Variants in UNC5C observed in about 807,000 individuals in gnomAD.
UNC5C encodes the protein netrin receptor UNC5C.
UNC5C carries 47 observed loss-of-function variants against 99.8 expected under a neutral mutation model. That is an observed-to-expected ratio of 0.47 (90% CI 0.37 to 0.60). UNC5C has a LOEUF of 0.60. Ranked by LOEUF, UNC5C falls within the 20% of genes least tolerant of loss-of-function variation. UNC5C has a pLI of 0.00. For missense variants in UNC5C, 1,062 were observed against 1,165.9 expected (o/e 0.91, Z 1.30); for synonymous variants, 487 against 452.2 (o/e 1.08, Z -0.98).
intron 1 of UNC5C, among the ~76,000 whole-genome samples, chr4:95,361,333 C>A (rs1480004753): frequency 1.3e-5 from 2 of 152,152 alleles, no homozygotes; most frequent in African/African-American, 4.8e-5. Flanking sequence ...GATTTCAGGG[C>A]AGTCCCTTTA....
chr4:95,431,427 A>G (rs1746632166), intron 1 of UNC5C, among the ~76,000 whole-genome samples: 1 of 152,096 alleles, frequency 6.6e-6, no homozygotes. Flanking sequence ...GCTAATACCT[A>G]TGTATTCTAA....
At chr4:95,334,366 TC>T (rs1560791345) in intron 2 of UNC5C, among the ~76,000 whole-genome samples, 6 of 152,008 alleles carry the variant, frequency 3.9e-5, no homozygotes, top group Admixed American at 3.3e-4. Flanking sequence ...CAGAGAGATA[TC>T]TAGTAAGGGT....
At chr4:95,366,575 T>C (rs948971810) in intron 1 of UNC5C, among the ~76,000 whole-genome samples, 1 of 152,170 alleles carries the variant, frequency 6.6e-6, no homozygotes, top group African/African-American at 2.4e-5. Context: ...ACTAACCTAG[T>C]CATGAAGTTG....
chr4:95,237,098 A>T (rs1199917878), intron 7 of UNC5C, among the ~76,000 whole-genome samples: 2 of 152,238 alleles, frequency 1.3e-5, no homozygotes, highest in Non-Finnish European at 2.9e-5. Flanking sequence ...AATGTTAAAT[A>T]AATTGTTATA....
chr4:95,195,447 A>C (rs1737341191), intron 12 of UNC5C, among the ~76,000 whole-genome samples: 1 of 152,224 alleles, frequency 6.6e-6, no homozygotes, highest in Non-Finnish European at 1.5e-5. Context: ...GGATCCTGAA[A>C]GTATACAGGT....
chr4:95,354,479 A>ATATATATATATATATATATATT, intron 1 of UNC5C, among the ~76,000 whole-genome samples: 156 of 110,306 alleles, frequency 1.4e-3, no homozygotes, highest in South Asian at 2.6e-3. Context: ...ATATATATAT[A>ATATATATATATATATATATATT]TTTTTTTTTT....
In UNC5C at chr4:95,443,463, G is replaced by C. The variant is rs73838833; in HGVS notation, c.124+105271C>G. On this transcript the variant is annotated intron_variant, in intron 1 of 15. Transcript: ENST00000453304. ...TTTCAAAAGATTTCTTCAAATGACT[G>C]AGGGTCTCTGTTACTCTAAATGCAC... Among the ~76,000 whole-genome samples, 189 of 152,274 alleles carry C rather than the reference G, an allele frequency of 1.2e-3. 1 individual carries two copies. Among genetic ancestry groups the C allele is most frequent in the African/African-American group, 4.3e-3 (178 of 41,548 alleles).
At chr4:95,530,546 A>T (rs1055802647) in intron 1 of UNC5C, among the ~76,000 whole-genome samples, 2 of 152,220 alleles carry the variant, frequency 1.3e-5, no homozygotes, top group African/African-American at 4.8e-5. Context: ...GCCTCATACA[A>T]CAGAATTTCC....
At chr4:95,384,257 CAG>C (rs1251018357) in intron 1 of UNC5C, among the ~76,000 whole-genome samples, 1 of 152,098 alleles carries the variant, frequency 6.6e-6, no homozygotes, top group Non-Finnish European at 1.5e-5. Context: ...GTCTTGGAAA[CAG>C]AATGCTTATG....
At chr4:95,243,517 T>G (rs760000601) in intron 6 of UNC5C, among the ~76,000 whole-genome samples, 3 of 152,150 alleles carry the variant, frequency 2.0e-5, no homozygotes, top group African/African-American at 7.2e-5. Context: ...AATATATAAT[T>G]ATGATGATCA....
At chr4:95,247,479 G>A (rs1251585075) in intron 5 of UNC5C, among the ~76,000 whole-genome samples, 2 of 152,114 alleles carry the variant, frequency 1.3e-5, no homozygotes, top group East Asian at 1.9e-4. Flanking sequence ...TGGGGTTTAG[G>A]ATATATGTAC....
intron 3 of UNC5C, among the ~76,000 whole-genome samples, chr4:95,299,775 A>C (rs1048224152): frequency 6.6e-6 from 1 of 152,198 alleles, no homozygotes; most frequent in African/African-American, 2.4e-5. Context: ...AGCATAGGGA[A>C]AATCCACCCC....
At chr4:95,433,373 A>G (rs531098355) in intron 1 of UNC5C, among the ~76,000 whole-genome samples, 1 of 152,198 alleles carries the variant, frequency 6.6e-6, no homozygotes, top group East Asian at 1.9e-4. Flanking sequence ...GGGTTTTGGG[A>G]TTTTGTATGA....
chr4:95,340,384 C>G (rs1228783162), intron 1 of UNC5C, among the ~76,000 whole-genome samples: 1 of 152,036 alleles, frequency 6.6e-6, no homozygotes, highest in East Asian at 1.9e-4. Flanking sequence ...AAATGAATGA[C>G]TGCAAAGCTA....
At chr4:95,523,722 G>A (rs1722423528) in intron 1 of UNC5C, among the ~76,000 whole-genome samples, 1 of 151,998 alleles carries the variant, frequency 6.6e-6, no homozygotes, top group African/African-American at 2.4e-5. Context: ...TTAAAACCAT[G>A]TACTACAAAA....
chr4:95,396,195 G>A (rs368354935), intron 1 of UNC5C, among the ~76,000 whole-genome samples: 1 of 152,246 alleles, frequency 6.6e-6, no homozygotes, highest in Non-Finnish European at 1.5e-5. Flanking sequence ...GAAAACATGT[G>A]CTGACCCATA....
intron 2 of UNC5C, among the ~76,000 whole-genome samples, chr4:95,321,149 G>A (rs1300418188): frequency 1.3e-5 from 2 of 152,058 alleles, no homozygotes; most frequent in Non-Finnish European, 2.9e-5. Flanking sequence ...TCTTCCCCAT[G>A]GGATATAATT....
At chr4:95,235,437 T>G (rs1410208365) in intron 7 of UNC5C, among the ~76,000 whole-genome samples, 1 of 152,148 alleles carries the variant, frequency 6.6e-6, no homozygotes, top group Non-Finnish European at 1.5e-5. Flanking sequence ...GTAGGTTACC[T>G]GTTCACTCTG....
At position 95,516,438 on chromosome 4, in the gene UNC5C, G is replaced by A. The variant is rs111351779; in HGVS notation, c.124+32296C>T. ...ACTGAGTGTCCAATGAAGAGTGAAA[G>A]CACACATGATCTCCAATTTTTGTGA... On this transcript the variant is annotated intron_variant, in intron 1 of 15. Transcript: ENST00000453304. Among the ~76,000 whole-genome samples the A allele has an allele frequency of 4.0e-3, 604 of 152,298 alleles. 3 individuals carry two copies. Among genetic ancestry groups the A allele is most frequent in the Non-Finnish European group, 6.1e-3 (416 of 68,030 alleles).
Sources: allele counts gnomAD v4.1 joint callset (sites outside exome capture counted in the v4.1 genomes callset), GRCh38; gene constraint gnomAD v4.1.1; transcripts MANE v1.5; gene names NCBI Gene and HGNC (gene_info 2026-07-23, HGNC 2026-07-21).